The following CNKSR1 variants were observed in gnomAD, a reference collection of about 807,000 sequenced individuals.
CNKSR1 encodes the protein CNK homolog protein 1.
A neutral mutation model predicts 95.6 loss-of-function variants in CNKSR1; 88 were observed. The observed-to-expected ratio is 0.92, with a 90% CI of 0.78 to 1.10. The LOEUF is 1.10. CNKSR1 is among the 50% of genes least tolerant of loss of function. The probability of loss-of-function intolerance (pLI) is 0.00; values close to 1 mark genes in which losing one functional copy is unlikely to be tolerated. For synonymous variants in CNKSR1, 355 were observed against 369.7 expected, an observed-to-expected ratio of 0.96 and a Z score of 0.46; for missense variants, 836 against 912.0, an observed-to-expected ratio of 0.92 and a Z score of 1.07.
chr1:26,185,670 G>A (rs1256449804), intron 14 of CNKSR1, among the ~76,000 whole-genome samples: 1 of 151,990 alleles, frequency 6.6e-6, no homozygotes. Flanking sequence ...GGGATTACAG[G>A]CGTGAGCCAC....
intron 8 of CNKSR1, 43 bp downstream of exon 8, chr1:26,183,457 G>A (rs755583633): frequency 3.0e-5 from 48 of 1,598,870 alleles, no homozygotes; most frequent in Admixed American, 1.9e-4. Flanking sequence ...AGGGGTCACC[G>A]AGTGGAACCC....
At position 26,180,546 on chromosome 1, in the gene CNKSR1, T is replaced by G; in HGVS notation, c.146T>G (p.Leu49Arg). The change falls in exon 2 of 21, where the codon CTG (leucine) becomes CGG (arginine). Residue 49 changes from leucine to arginine, a missense_variant. Physicochemically the swap from Leu to Arg is moderately radical, Grantham distance 102. Transcript: ENST00000361530. Reference protein sequence around the residue: ...LQLCPQSLEALAVRSLGHQEL... With the variant: ...LQLCPQSLEARAVRSLGHQEL... ...CTCTGCCCCCAAAGCCTCGAGGCTC[T>G]GGCTGTGCGGTCTCTGGGACACCAG... is the stretch of plus-strand genomic sequence containing the variant. 6.2e-7 allele frequency: 1 copy of G among 1,614,214 alleles called. No individual in the cohort carries two copies. The highest frequency in any genetic ancestry group is 8.5e-7 in the Non-Finnish European group (1 of 1,180,038).
rs1432534988 is a variant in CNKSR1, at chr1:26,189,773, G to C, written c.*225G>C. The stretch of plus-strand genomic sequence containing the variant: ...AAATCCTCCAACCTCTGGGGCCACA[G>C]CCCTGCCCCTCCAGTTCCTTGGCAG... On this transcript the variant is annotated 3_prime_UTR_variant, in exon 21 of 21. Transcript: ENST00000361530. 2.9e-6 allele frequency: 2 copies of C among 697,656 alleles called. No homozygotes were observed. The highest frequency in any genetic ancestry group is 5.2e-6 in the Non-Finnish European group (2 of 383,564). 43.2% of individuals were successfully genotyped at this position (697,656 alleles called of 1,614,324 possible). A position where few individuals can be genotyped will look rare whatever the true frequency, so the allele number is the denominator to read the frequency against.
rs777842690 is a variant in CNKSR1, at chr1:26,183,384, C to T, written c.723C>T (p.Asp241=). The T allele has an allele frequency of 1.1e-5, 17 of 1,614,110 alleles. No homozygotes were observed. The highest frequency in any genetic ancestry group is 5.0e-5 in the Admixed American group (3 of 60,012). ...TDSRLQIQPG[D]EVVQINEQVV... ...CCCGACTGCAGATCCAGCCTGGAGA[C>T]GAGGTTGTCCAGATCAACGAGCAGG... is the stretch of plus-strand genomic sequence containing the variant. Residue 241 remains aspartate (D), a synonymous_variant, in exon 8 of 21, where the codon GAC becomes GAT. Coordinates refer to ENST00000361530, the MANE Select transcript of CNKSR1 (RefSeq NM_006314.3).
In CNKSR1 at chr1:26,188,292, C is replaced by T; in HGVS notation, c.1513C>T (p.Pro505Ser). The T allele has an allele frequency of 1.2e-6, 2 of 1,614,106 alleles. No individual in the cohort carries two copies. Among genetic ancestry groups the T allele is most frequent in the East Asian group, 2.2e-5 (1 of 44,872 alleles). Reference sequence around the variant, plus strand: ...GTACCAGTCTCCAGGCCGGGCCCCCCCACCCCGAGAGGAAGGTAGGTGTCT... The same window carrying T: ...GTACCAGTCTCCAGGCCGGGCCCCCTCACCCCGAGAGGAAGGTAGGTGTCT... ...SKYQSPGRAPPPREEDCYSET... is the reference protein window; with the variant it reads ...SKYQSPGRAPSPREEDCYSET... Residue 505 changes from proline (P) to serine (S), a missense_variant, in exon 17 of 21, where the codon CCA becomes TCA. Physicochemically the swap from Pro to Ser is moderately conservative, Grantham distance 74 (BLOSUM62 -1). Transcript: ENST00000361530.
Position 26,184,465 on chromosome 1 carries a change from A to G in CNKSR1, c.1065A>G (p.Ala355=), listed in dbSNP as rs753362199. 2 of 1,613,104 alleles carry G rather than the reference A, an allele frequency of 1.2e-6. No individual in the cohort carries two copies. The highest frequency in any genetic ancestry group is 1.7e-5 in the Admixed American group (1 of 59,888). The change falls in exon 12 of 21, where the codon GCA becomes GCG. Residue 355 remains alanine, a synonymous_variant. Transcript: ENST00000361530. ...IPPEPPAILP[A]GVAGTPGLPE... Reference sequence around the variant, plus strand: ...CGGAACCCCCAGCCATACTCCCAGCAGGGGTAGCAGGGACTCCAGGGCTCC... The same window carrying G: ...CGGAACCCCCAGCCATACTCCCAGCGGGGGTAGCAGGGACTCCAGGGCTCC...
At chr1:26,178,208 C>G (rs2088593182) in intron 1 of CNKSR1, among the ~76,000 whole-genome samples, 3 of 152,194 alleles carry the variant, frequency 2.0e-5, no homozygotes, top group Admixed American at 6.5e-5. Context: ...AGGCCCACAC[C>G]CACTGTATCT....
At position 26,181,912 on chromosome 1, in the gene CNKSR1, T is replaced by C; in HGVS notation, c.448T>C (p.Leu150=). Residue 150 remains leucine, a synonymous_variant, in exon 4 of 21, where the codon TTG becomes CTG. Transcript: ENST00000361530. ...FSACQEIRDL[L]EELSQVLHED... ...AGCATGCCAGGAGATCCGAGACTTGTTGGAGGAGCTGAGCCAGGTCTTGCA... is the reference window on the plus strand; with the variant it reads ...AGCATGCCAGGAGATCCGAGACTTGCTGGAGGAGCTGAGCCAGGTCTTGCA... 1 of 1,613,972 alleles carries C rather than the reference T, an allele frequency of 6.2e-7. No homozygotes were observed. The highest frequency in any genetic ancestry group is 8.5e-7 in the Non-Finnish European group (1 of 1,179,896).
intron 14 of CNKSR1, among the ~76,000 whole-genome samples, chr1:26,186,560 T>C (rs2124514806): frequency 6.6e-6 from 1 of 152,182 alleles, no homozygotes; most frequent in East Asian, 1.9e-4. Flanking sequence ...TGGCAACCTT[T>C]TCCTCCCAGG....
In CNKSR1 at chr1:26,177,556, G is replaced by A. The variant is rs113455721; in HGVS notation, c.9G>A (p.Pro3=). ...GCTGGCAGAGCTGGGCCATGGAACC[G>A]GTAGAGACCTGGACCCCCGGAAAGG... ME[P]VETWTPGKVA... Residue 3 remains proline (P), a synonymous_variant, in exon 1 of 21, where the codon CCG becomes CCA. Transcript: ENST00000361530. 1.2e-3 allele frequency: 1,886 copies of A among 1,614,118 alleles called. 23 individuals carry two copies. In the African/African-American group the frequency reaches 0.02, roughly 17 times the overall value.
chr1:26,183,331 C>CA lies in CNKSR1; in HGVS notation c.685-14dup. 6.2e-7 allele frequency: 1 copy of CA among 1,614,224 alleles called. No individual in the cohort carries two copies. Among genetic ancestry groups the CA allele is most frequent in the Non-Finnish European group, 8.5e-7 (1 of 1,180,028 alleles). Reference sequence around the variant, plus strand: ...TGCAAGCCAGGCCAACCTCAGGCCCCATTCCCCACGTCAGGTTCCCACTGA... The same window carrying CA: ...TGCAAGCCAGGCCAACCTCAGGCCCCAATTCCCCACGTCAGGTTCCCACTGA... On this transcript the variant is annotated splice_polypyrimidine_tract_variant and intron_variant, in intron 7 of 20. Coordinates refer to ENST00000361530, the MANE Select transcript of CNKSR1 (RefSeq NM_006314.3).
chr1:26,180,925 A>G (rs780928455), intron 3 of CNKSR1, 29 bp downstream of exon 3: 9 of 1,613,338 alleles, frequency 5.6e-6, no homozygotes, highest in Non-Finnish European at 7.6e-6. Flanking sequence ...CGAGTGAGGG[A>G]CTATTGTCAT....
rs144920188 is a variant in CNKSR1, at chr1:26,185,811, G to A, written c.1308+625G>A. On this transcript the variant is annotated intron_variant, in intron 14 of 20. Coordinates refer to ENST00000361530, the MANE Select transcript of CNKSR1 (RefSeq NM_006314.3). ...CCGCCAGAATGCTGGGATTATAGGCGTGAGCCACCACATCTGGCCGAAAAA... is the reference window on the plus strand; with the variant it reads ...CCGCCAGAATGCTGGGATTATAGGCATGAGCCACCACATCTGGCCGAAAAA... Among the ~76,000 whole-genome samples the A allele has an allele frequency of 3.9e-3, 600 of 152,190 alleles. 7 individuals carry two copies. The highest frequency in any genetic ancestry group is 0.014 in the African/African-American group (573 of 41,524).
Position 26,187,439 on chromosome 1 carries a change from A to G in CNKSR1, c.1411A>G (p.Lys471Glu). 1 of 1,613,994 alleles carries G rather than the reference A, an allele frequency of 6.2e-7. No homozygotes were observed. Among genetic ancestry groups the G allele is most frequent in the Middle Eastern group, 1.6e-4 (1 of 6,062 alleles). ...YVFQLTHDVY[K>E]PFIFAADTLT... is the part of the protein sequence containing the mutation. ...GTTTCAGCTCACCCATGATGTGTAC[A>G]AACCCTTCATCTTCGCTGCTGATAC... The change falls in exon 16 of 21, where the codon AAA becomes GAA. Residue 471 changes from lysine to glutamate, a missense_variant. Lys to Glu is a moderately conservative substitution (Grantham distance 56). Coordinates refer to ENST00000361530, the MANE Select transcript of CNKSR1 (RefSeq NM_006314.3).
intron 14 of CNKSR1, 100 bp from the exon 15 acceptor site, chr1:26,187,068 C>T (rs2088767637): frequency 3.4e-6 from 3 of 870,308 alleles, no homozygotes; most frequent in Non-Finnish European, 1.9e-6. Context: ...GATGCCTTCT[C>T]CTCTCCACAA....
chr1:26,179,123 G>T (rs2124506419), intron 1 of CNKSR1, among the ~76,000 whole-genome samples: 2 of 152,348 alleles, frequency 1.3e-5, no homozygotes, highest in East Asian at 3.9e-4. Context: ...ATAGCACATA[G>T]TAAGCCCTCA....
At chr1:26,188,054 C>T (rs919392574) in intron 16 of CNKSR1, among the ~76,000 whole-genome samples, 180 bp from the exon 17 acceptor site, 4 of 152,098 alleles carry the variant, frequency 2.6e-5, no homozygotes, top group Non-Finnish European at 4.4e-5. Context: ...AGCCACCGCA[C>T]GCAGCCAGTA....
Position 26,177,536 on chromosome 1 carries a change from C to T in CNKSR1, c.-12C>T. Reference sequence around the variant, plus strand: ...CAAAACAGGAGCTGATTCGAGCTGGCAGAGCTGGGCCATGGAACCGGTAGA... The same window carrying T: ...CAAAACAGGAGCTGATTCGAGCTGGTAGAGCTGGGCCATGGAACCGGTAGA... On this transcript the variant is annotated 5_prime_UTR_variant, in exon 1 of 21. Transcript: ENST00000361530. 2 of 1,613,962 alleles carry T rather than the reference C, an allele frequency of 1.2e-6. No homozygotes were observed. The highest frequency in any genetic ancestry group is 1.7e-6 in the Non-Finnish European group (2 of 1,179,966).
At chr1:26,185,255 C>A in intron 14 of CNKSR1, 69 bp downstream of exon 14, 1 of 1,450,190 alleles carries the variant, frequency 6.9e-7, no homozygotes, top group Non-Finnish European at 9.5e-7. Flanking sequence ...CATCTCTATT[C>A]TATCATCCAC....
Sources: gnomAD v4.1 joint callset for allele counts (sites outside exome capture counted in the v4.1 genomes callset) on GRCh38, gnomAD v4.1.1 for gene constraint, MANE v1.5 for transcripts, NCBI Gene and HGNC (gene_info 2026-07-23, HGNC 2026-07-21) for gene names.